The following SUMF1 variants were observed in gnomAD, a reference collection of about 807,000 sequenced individuals.
SUMF1 encodes the protein sulfatase modifying factor 1, also known as formylglycine-generating enzyme.
In SUMF1, 48 loss-of-function variants were observed where a neutral mutation model predicts 47.6. The ratio of observed to expected loss-of-function variants is 1.01; its 90% CI spans 0.80 to 1.28. SUMF1 has a LOEUF of 1.28. Ranked by LOEUF, SUMF1 falls within the 50% of genes most tolerant of loss-of-function variation. The pLI is 0.00. For missense variants in SUMF1, 571 were observed against 485.4 expected (o/e 1.18, Z -1.66); for synonymous variants, 230 against 192.1 (o/e 1.20, Z -1.63).
intron 7 of SUMF1, among the ~76,000 whole-genome samples, chr3:4,381,923 G>A (rs1182597111): frequency 6.6e-6 from 1 of 152,148 alleles, no homozygotes; most frequent in African/African-American, 2.4e-5. Flanking sequence ...GGGCACGCCT[G>A]TAGTCTCAGC....
intron 8 of SUMF1, among the ~76,000 whole-genome samples, chr3:4,124,318 A>T (rs1460579712): frequency 1.3e-5 from 2 of 152,142 alleles, no homozygotes; most frequent in Non-Finnish European, 2.9e-5. Flanking sequence ...ATTTTTCTAT[A>T]TCTTGGAAAG....
chr3:4,456,507 A>G (rs1331835162), intron 1 of SUMF1, among the ~76,000 whole-genome samples: 1 of 143,726 alleles, frequency 7.0e-6, no homozygotes, highest in Non-Finnish European at 1.5e-5. Context: ...GCTGGAGTGC[A>G]GTAGCACGAT....
chr3:4,368,742 T>A (rs990166340), intron 8 of SUMF1, among the ~76,000 whole-genome samples: 1 of 152,104 alleles, frequency 6.6e-6, no homozygotes, highest in Non-Finnish European at 1.5e-5. Flanking sequence ...AACGCACATA[T>A]CCCTGACTAC....
At chr3:4,381,823 T>C (rs890230459) in intron 7 of SUMF1, among the ~76,000 whole-genome samples, 1 of 152,148 alleles carries the variant, frequency 6.6e-6, no homozygotes, top group Non-Finnish European at 1.5e-5. Flanking sequence ...TATGGGAAGA[T>C]TGCTTGAGCC....
chr3:4,300,901 G>T (rs1255168394), intron 8 of SUMF1, among the ~76,000 whole-genome samples: 1 of 151,576 alleles, frequency 6.6e-6, no homozygotes, highest in Admixed American at 6.6e-5. Flanking sequence ...ACACACTCTA[G>T]CTCTCCTTCT....
At chr3:4,394,078 T>G (rs1219199772) in intron 7 of SUMF1, among the ~76,000 whole-genome samples, 1 of 151,882 alleles carries the variant, frequency 6.6e-6, no homozygotes, top group African/African-American at 2.4e-5. Context: ...TATTTTTAGG[T>G]TTTTTTTGAG....
At chr3:4,198,064 T>C (rs1217720642) in intron 8 of SUMF1, among the ~76,000 whole-genome samples, 2 of 150,442 alleles carry the variant, frequency 1.3e-5, no homozygotes, top group Non-Finnish European at 3.0e-5. Context: ...GAGATTCTTA[T>C]TGGTCAAATG....
At chr3:4,407,838 A>G (rs1200173462) in intron 7 of SUMF1, among the ~76,000 whole-genome samples, 1 of 152,192 alleles carries the variant, frequency 6.6e-6, no homozygotes, top group Non-Finnish European at 1.5e-5. Context: ...GATATAAAAA[A>G]TTGGAGTTTA....
At chr3:4,375,092 T>C (rs1023406419) in intron 8 of SUMF1, among the ~76,000 whole-genome samples, 3 of 136,600 alleles carry the variant, frequency 2.2e-5, no homozygotes, top group Non-Finnish European at 3.0e-5. Flanking sequence ...GCTGTGATTG[T>C]GCCACTGCAC....
At chr3:4,252,295 A>G (rs1430811684) in intron 8 of SUMF1, among the ~76,000 whole-genome samples, 1 of 152,134 alleles carries the variant, frequency 6.6e-6, no homozygotes, top group East Asian at 1.9e-4. Context: ...AAAGTCAACA[A>G]GAAAGTAGCA....
At chr3:4,287,038 G>C (rs1469633661) in intron 8 of SUMF1, among the ~76,000 whole-genome samples, 1 of 152,126 alleles carries the variant, frequency 6.6e-6, no homozygotes, top group Non-Finnish European at 1.5e-5. Flanking sequence ...CATTTGCCTT[G>C]TAACTGTCAT....
chr3:4,464,438 G>A (rs1048817048), intron 1 of SUMF1, among the ~76,000 whole-genome samples: 3 of 152,088 alleles, frequency 2.0e-5, no homozygotes, highest in African/African-American at 7.2e-5. Context: ...GTGTGAGAGA[G>A]AGAGAAACAC....
In SUMF1 at chr3:4,235,550, C is replaced by T. The variant is rs568226541; in HGVS notation, c.1014+140780G>A. 2.6e-5 allele frequency among the ~76,000 whole-genome samples: 4 copies of T among 152,156 alleles called. No individual in the cohort carries two copies. In the South Asian group the frequency reaches 8.3e-4, roughly 32 times the overall value. ...AACCATTATACAACTCTAAATTACG[C>T]AAGTGCTAAAAATTATAATTAGGAA... is the stretch of plus-strand genomic sequence containing the variant. On this transcript the variant is annotated intron_variant and NMD_transcript_variant, in intron 8 of 12. Coordinates refer to the SUMF1 transcript ENST00000448413.
At chr3:4,358,351 G>C (rs1699668148), downstream of SUMF1, among the ~76,000 whole-genome samples, 1 of 138,864 alleles carries the variant, frequency 7.2e-6, no homozygotes, top group Non-Finnish European at 1.5e-5. Flanking sequence ...CTAGATGTAA[G>C]AGTTCCTAAA....
intron 7 of SUMF1, among the ~76,000 whole-genome samples, chr3:4,381,162 A>C (rs1306888355): frequency 6.6e-6 from 1 of 152,242 alleles, no homozygotes; most frequent in African/African-American, 2.4e-5. Flanking sequence ...TCCATCACTC[A>C]GCAAACAGTC....
rs942067343 is a variant in SUMF1, at chr3:4,355,700, C to A, written c.1014+20630G>T. 2.6e-5 allele frequency among the ~76,000 whole-genome samples: 4 copies of A among 152,216 alleles called. No individual in the cohort carries two copies. In the South Asian group the frequency reaches 8.3e-4, roughly 32 times the overall value. The stretch of plus-strand genomic sequence containing the variant: ...GAGTTGCTCTGATCAGTCTTCCATT[C>A]CCCTCGGCAAAGAAAACAAGGGGTT... On this transcript the variant is annotated intron_variant and NMD_transcript_variant, in intron 8 of 12. Transcript: ENST00000448413.
chr3:4,040,613 C>A (rs375091156), intron 9 of SUMF1, among the ~76,000 whole-genome samples: 1 of 152,066 alleles, frequency 6.6e-6, no homozygotes, highest in African/African-American at 2.4e-5. Context: ...CATATAAATA[C>A]AAGATTGGGT....
intron 8 of SUMF1, among the ~76,000 whole-genome samples, chr3:4,198,030 C>CTTT (rs11413694): frequency 2.5e-4 from 34 of 134,558 alleles, no homozygotes; most frequent in African/African-American, 4.0e-4. Context: ...TTGTTTTAGG[C>CTTT]TTTTTTTTTT....
intron 8 of SUMF1, among the ~76,000 whole-genome samples, chr3:4,140,370 A>G (rs977899485): frequency 3.3e-5 from 5 of 152,042 alleles, no homozygotes; most frequent in African/African-American, 1.2e-4. Context: ...AATCATTTTT[A>G]AAAGGATTCA....
Sources: allele counts gnomAD v4.1 joint callset (sites outside exome capture counted in the v4.1 genomes callset), GRCh38; gene constraint gnomAD v4.1.1; transcripts MANE v1.5; gene names NCBI Gene and HGNC (gene_info 2026-07-23, HGNC 2026-07-21).